JAKMIP2: variants seen among roughly 807,000 people sequenced by gnomAD.
JAKMIP2 encodes janus kinase and microtubule interacting protein 2.
A neutral mutation model predicts 115.0 loss-of-function variants in JAKMIP2; 25 were observed. The observed-to-expected ratio is 0.22, with a 90% CI of 0.16 to 0.30. JAKMIP2 has a LOEUF of 0.30. Ranked by LOEUF, JAKMIP2 falls within the 10% of genes least tolerant of loss-of-function variation. The pLI is 1.00. For missense variants in JAKMIP2, 642 were observed against 957.6 expected (o/e 0.67, Z 4.35); for synonymous variants, 334 against 343.6 (o/e 0.97, Z 0.31).
At chr5:147,749,510 C>T (rs888012795) in intron 1 of JAKMIP2, among the ~76,000 whole-genome samples, 22 of 152,148 alleles carry the variant, frequency 1.4e-4, no homozygotes, top group African/African-American at 5.1e-4. Context: ...TCTTTTCTTC[C>T]AGTTCTCTTA....
Position 147,764,950 on chromosome 5 carries a change from G to GAA in JAKMIP2, c.-149+17505_-149+17506insTT, listed in dbSNP as rs1561582606. Among the ~76,000 whole-genome samples, 21 of 70,750 alleles carry GAA rather than the reference G, an allele frequency of 3.0e-4. No homozygotes were observed. In the East Asian group the frequency reaches 6.8e-3, roughly 23 times the overall value. 46.4% of individuals were successfully genotyped at this position (70,750 alleles called of 152,430 possible). ...AGAGAGAGAGAGAGAGAGAGAGGGA[G>GAA]AGAGAGAGAGAGAGAGGGGGAGAGA... On this transcript the variant is annotated intron_variant, in intron 1 of 21. Transcript: ENST00000616793.
chr5:147,668,269 A>T (rs1341012048), intron 2 of JAKMIP2, among the ~76,000 whole-genome samples: 8 of 152,138 alleles, frequency 5.3e-5, no homozygotes, highest in Non-Finnish European at 8.8e-5. Flanking sequence ...CATGCTGTTC[A>T]CGAAACCATA....
intron 1 of JAKMIP2, among the ~76,000 whole-genome samples, chr5:147,780,151 T>C (rs1056145387): frequency 2.0e-5 from 3 of 152,300 alleles, no homozygotes; most frequent in Admixed American, 2.0e-4. Flanking sequence ...TTCTAGTGCT[T>C]GAAACACACT....
chr5:147,684,358 T>C (rs78656485), intron 1 of JAKMIP2, among the ~76,000 whole-genome samples: 2 of 151,634 alleles, frequency 1.3e-5, no homozygotes, highest in African/African-American at 4.8e-5. Context: ...AATTGTATCA[T>C]GAGGCCAAGA....
intron 1 of JAKMIP2, among the ~76,000 whole-genome samples, chr5:147,675,670 G>C (rs1452346269): frequency 1.3e-5 from 2 of 151,830 alleles, no homozygotes; most frequent in Admixed American, 6.5e-5. Context: ...TATTCCCCAC[G>C]CAGCTCTCTC....
chr5:147,693,182 A>G (rs966489909), intron 1 of JAKMIP2, among the ~76,000 whole-genome samples: 1 of 152,212 alleles, frequency 6.6e-6, no homozygotes, highest in Non-Finnish European at 1.5e-5. Flanking sequence ...AGAACTCTGG[A>G]GTCAGACCCT....
At chr5:147,678,543 T>C (rs891535567) in intron 1 of JAKMIP2, among the ~76,000 whole-genome samples, 2 of 152,202 alleles carry the variant, frequency 1.3e-5, no homozygotes, top group East Asian at 3.8e-4. Context: ...GATACTGAGG[T>C]TGATTTCATA....
chr5:147,595,704 G>C (rs1368656389), intron 21 of JAKMIP2, among the ~76,000 whole-genome samples: 1 of 152,098 alleles, frequency 6.6e-6, no homozygotes, highest in Non-Finnish European at 1.5e-5. Flanking sequence ...GAACTGTAAA[G>C]CAAGTTGTAC....
chr5:147,753,120 C>CTT (rs1422508233), intron 1 of JAKMIP2, among the ~76,000 whole-genome samples: 1 of 152,168 alleles, frequency 6.6e-6, no homozygotes, highest in Non-Finnish European at 1.5e-5. Flanking sequence ...ACTCTCAAGG[C>CTT]AGGGACCATG....
At chr5:147,760,439 T>C (rs1042403394) in intron 1 of JAKMIP2, among the ~76,000 whole-genome samples, 1 of 149,440 alleles carries the variant, frequency 6.7e-6, no homozygotes, top group African/African-American at 2.4e-5. Flanking sequence ...TGTGTAGTTA[T>C]CAAAACCATG....
intron 21 of JAKMIP2, among the ~76,000 whole-genome samples, chr5:147,597,075 G>T (rs1187370617): frequency 6.7e-6 from 1 of 149,204 alleles, no homozygotes; most frequent in Admixed American, 6.7e-5. Context: ...GTAGAATGGG[G>T]TTTCATCATG....
rs1164910886 is a variant in JAKMIP2 at position 147,716,152 on chromosome 5, T to C, written c.-148-44198A>G. 1.2e-4 allele frequency among the ~76,000 whole-genome samples: 18 copies of C among 145,488 alleles called. No individual in the cohort carries two copies. The East Asian group carries it at 3.1e-3, about 25-fold the overall frequency. On this transcript the variant is annotated intron_variant, in intron 1 of 21. Coordinates refer to ENST00000616793, the MANE Select transcript of JAKMIP2 (RefSeq NM_001270941.2). The stretch of plus-strand genomic sequence containing the variant: ...GAATGATGTTTTCCAATTTCATCCA[T>C]GTCCCTACAAAGGACATGAACTCAT...
rs1757744470 is a variant in JAKMIP2 at position 147,638,787 on chromosome 5, GAAACCTAGGT to G, written c.1530+835_1530+844del. Among the ~76,000 whole-genome samples the G allele has an allele frequency of 2.0e-5, 3 of 152,018 alleles. No homozygotes were observed. The South Asian group carries it at 6.3e-4, about 32-fold the overall frequency. On this transcript the variant is annotated intron_variant, in intron 10 of 21. Coordinates refer to ENST00000616793, the MANE Select transcript of JAKMIP2 (RefSeq NM_001270941.2). ...TATGACTGTGAAGTCACAAGGCTAG[GAAACCTAGGT>G]AAACCTAGGTAAATAATTTAACTTC...
intron 1 of JAKMIP2, among the ~76,000 whole-genome samples, chr5:147,764,908 AAGAAAGAAAGAAAGAGAGAG>A (rs1755062165): frequency 1.1e-5 from 1 of 95,118 alleles, no homozygotes; most frequent in Non-Finnish European, 1.9e-5. Context: ...GAAAGAAAGA[AAGAAAGAAAGAAAGAGAGAG>A]AGAGAGAGAG....
intron 9 of JAKMIP2, among the ~76,000 whole-genome samples, chr5:147,640,068 T>C (rs1757809301): frequency 6.6e-6 from 1 of 152,208 alleles, no homozygotes; most frequent in South Asian, 2.1e-4. Context: ...GAAAAAGTCA[T>C]ATCCAGATTT....
chr5:147,626,609 T>C (rs1289847488), intron 16 of JAKMIP2, among the ~76,000 whole-genome samples: 1 of 152,196 alleles, frequency 6.6e-6, no homozygotes, highest in East Asian at 1.9e-4. Flanking sequence ...CTCCAGCAGT[T>C]AGAAAGTGCC....
intron 15 of JAKMIP2, 135 bp from the exon 16 acceptor site, chr5:147,628,951 GT>G: frequency 1.7e-6 from 1 of 587,576 alleles, no homozygotes; most frequent in South Asian, 2.5e-5. Flanking sequence ...ATTCTGTTTA[GT>G]AATAATTCTG....
At chr5:147,736,967 A>G (rs1455170082) in intron 1 of JAKMIP2, among the ~76,000 whole-genome samples, 2 of 152,196 alleles carry the variant, frequency 1.3e-5, no homozygotes, top group African/African-American at 4.8e-5. Flanking sequence ...GTGTTCACAT[A>G]TGCTTCTTAC....
intron 1 of JAKMIP2, among the ~76,000 whole-genome samples, chr5:147,701,328 A>G (rs1005142231): frequency 1.3e-5 from 2 of 152,146 alleles, no homozygotes; most frequent in Non-Finnish European, 2.9e-5. Flanking sequence ...CCTTACCCTC[A>G]TAGTTAGTGC....
Sources: allele counts gnomAD v4.1 joint callset (sites outside exome capture counted in the v4.1 genomes callset), GRCh38; gene constraint gnomAD v4.1.1; transcripts MANE v1.5; gene names NCBI Gene and HGNC (gene_info 2026-07-23, HGNC 2026-07-21).